The following IPO11 variants were observed in gnomAD, a reference collection of about 807,000 sequenced individuals.
IPO11 encodes the protein importin 11.
IPO11 carries 66 observed loss-of-function variants against 143.2 expected under a neutral mutation model. The observed-to-expected ratio is 0.46, with a 90% CI of 0.38 to 0.57. The LOEUF is 0.57. Ranked by LOEUF, IPO11 falls within the 20% of genes least tolerant of loss-of-function variation. IPO11 has a pLI of 0.00. For synonymous variants in IPO11, 385 were observed against 377.8 expected (o/e 1.02, Z -0.22); for missense variants, 1,026 against 1,141.0 (o/e 0.90, Z 1.45).
intron 29 of IPO11, among the ~76,000 whole-genome samples, chr5:62,620,479 A>G (rs2112480461): frequency 6.8e-6 from 1 of 147,704 alleles, no homozygotes; most frequent in African/African-American, 2.5e-5. Flanking sequence ...AGATTGTGCC[A>G]CTGCACTCCA....
intron 22 of IPO11, among the ~76,000 whole-genome samples, chr5:62,535,619 T>G (rs1462539996): frequency 1.3e-5 from 2 of 152,150 alleles, no homozygotes; most frequent in Admixed American, 1.3e-4. Flanking sequence ...CCTCATTTTT[T>G]AAAACTGTCA....
intron 29 of IPO11, among the ~76,000 whole-genome samples, chr5:62,607,746 C>T (rs1414090702): frequency 5.3e-5 from 8 of 151,256 alleles, no homozygotes; most frequent in Admixed American, 3.3e-4. Context: ...GACCTTTTTT[C>T]TTTTCTCAAC....
At chr5:62,528,121 A>G (rs1246800847) in intron 21 of IPO11, among the ~76,000 whole-genome samples, 1 of 152,196 alleles carries the variant, frequency 6.6e-6, no homozygotes, top group Non-Finnish European at 1.5e-5. Flanking sequence ...GCAGAATTCT[A>G]ATGAACTTGT....
At chr5:62,429,202 A>G (rs572515203) in intron 1 of IPO11, among the ~76,000 whole-genome samples, 284 of 152,090 alleles carry the variant, frequency 1.9e-3, no homozygotes, top group African/African-American at 6.5e-3. Context: ...GAACCACTTA[A>G]TCTACTTCTT....
At chr5:62,537,906 G>A (rs899331599) in intron 24 of IPO11, among the ~76,000 whole-genome samples, 3 of 152,116 alleles carry the variant, frequency 2.0e-5, no homozygotes, top group Non-Finnish European at 4.4e-5. Flanking sequence ...GACTTTGAGA[G>A]AAGGTGTAGC....
intron 15 of IPO11, among the ~76,000 whole-genome samples, chr5:62,491,996 G>T (rs1188647662): frequency 2.0e-5 from 3 of 151,974 alleles, no homozygotes; most frequent in Admixed American, 2.0e-4. Flanking sequence ...AACATATGTG[G>T]CCTGCATTAT....
At chr5:62,554,592 A>G (rs1195298185) in intron 26 of IPO11, among the ~76,000 whole-genome samples, 3 of 151,884 alleles carry the variant, frequency 2.0e-5, no homozygotes, top group East Asian at 1.9e-4. Context: ...CTGTAAATGT[A>G]TGGATTTATT....
At chr5:62,487,565 TTC>T (rs1554050674) in intron 12 of IPO11, among the ~76,000 whole-genome samples, 1 of 152,170 alleles carries the variant, frequency 6.6e-6, no homozygotes, top group Non-Finnish European at 1.5e-5. Flanking sequence ...GAAATCAACT[TTC>T]TTTTATTAAT....
chr5:62,433,273 A>C (rs1245391537), intron 1 of IPO11, among the ~76,000 whole-genome samples: 1 of 152,104 alleles, frequency 6.6e-6, no homozygotes, highest in African/African-American at 2.4e-5. Context: ...TATTCTGAAG[A>C]ACATTGTTAT....
chr5:62,600,015 T>G (rs1012206669), intron 28 of IPO11, among the ~76,000 whole-genome samples: 37 of 152,190 alleles, frequency 2.4e-4, no homozygotes, highest in African/African-American at 8.0e-4. Flanking sequence ...CAGAGTATAC[T>G]CTAATATTAA....
At position 62,559,607 on chromosome 5, in the gene IPO11, T is replaced by C. The variant is rs190988966; in HGVS notation, c.2461-1529T>C. ...TTTTGTTTTTGTTTTTGTTTTTTTT[T>C]CCTCATCCATAAGAAGTAATTCCTC... On this transcript the variant is annotated intron_variant, in intron 26 of 29. Transcript: ENST00000325324. Among the ~76,000 whole-genome samples, 762 of 152,242 alleles carry C rather than the reference T, an allele frequency of 5.0e-3. 2 individuals carry two copies. Among genetic ancestry groups the C allele is most frequent in the Non-Finnish European group, 6.6e-3 (446 of 68,010 alleles).
intron 27 of IPO11, chr5:62,579,957 T>C: frequency 6.4e-7 from 1 of 1,551,198 alleles, no homozygotes. Context: ...TCCTTGGGAG[T>C]GGTACCTTTG....
chr5:62,546,803 G>T (rs557448368), intron 24 of IPO11, among the ~76,000 whole-genome samples: 158 of 152,180 alleles, frequency 1.0e-3, no homozygotes, highest in African/African-American at 3.6e-3. Flanking sequence ...GAAGAAAATC[G>T]CTATATGAGT....
intron 3 of IPO11, among the ~76,000 whole-genome samples, chr5:62,449,280 G>A (rs952126942): frequency 1.3e-5 from 2 of 152,144 alleles, no homozygotes; most frequent in Non-Finnish European, 2.9e-5. Context: ...CTCCTTTCCT[G>A]TCCAGTAGCT....
At chr5:62,416,597 G>A (rs1743301393) in intron 1 of IPO11, among the ~76,000 whole-genome samples, 1 of 152,038 alleles carries the variant, frequency 6.6e-6, no homozygotes, top group Admixed American at 6.6e-5. Context: ...AGGGTTCGGG[G>A]GTTAGGGCTT....
chr5:62,464,729 T>C (rs985362783), intron 5 of IPO11, among the ~76,000 whole-genome samples: 1 of 152,148 alleles, frequency 6.6e-6, no homozygotes, highest in Non-Finnish European at 1.5e-5. Context: ...TGCCTCTGCC[T>C]CCCAAAGCAC....
Position 62,490,140 on chromosome 5 carries a change from T to G in IPO11, c.1383T>G (p.Ala461=), listed in dbSNP as rs748656958. The G allele has an allele frequency of 1.2e-5, 20 of 1,602,286 alleles. No individual in the cohort carries two copies. The East Asian group carries it at 3.8e-4, about 31-fold the overall frequency. Residue 461 remains alanine (A), a synonymous_variant, in exon 15 of 30, where the codon GCT becomes GCG. Transcript: ENST00000325324. ...TGTATAATGCTGTTGGATTAGCTGCTTATGAGCTCTTTGACAGTGTTGATT... is the reference window on the plus strand; with the variant it reads ...TGTATAATGCTGTTGGATTAGCTGCGTATGAGCTCTTTGACAGTGTTGATT... ...DAVYNAVGLA[A]YELFDSVDFD... is the part of the protein sequence containing the mutation.
At chr5:62,584,098 A>C (rs866995007) in intron 27 of IPO11, among the ~76,000 whole-genome samples, 3 of 152,218 alleles carry the variant, frequency 2.0e-5, no homozygotes, top group African/African-American at 7.2e-5. Context: ...AATAGTATTT[A>C]TTTATAAACT....
At chr5:62,509,247 A>T (rs1741666264) in intron 19 of IPO11, among the ~76,000 whole-genome samples, 1 of 152,194 alleles carries the variant, frequency 6.6e-6, no homozygotes, top group Admixed American at 6.5e-5. Context: ...GAAAGAACAA[A>T]ATTAAAGGGA....
Sources: allele counts gnomAD v4.1 joint callset (sites outside exome capture counted in the v4.1 genomes callset), GRCh38; gene constraint gnomAD v4.1.1; transcripts MANE v1.5; gene names NCBI Gene and HGNC (gene_info 2026-07-23, HGNC 2026-07-21).